The following KIFC1 variants were observed in gnomAD, a reference collection of about 807,000 sequenced individuals.
The protein encoded by KIFC1 is kinesin-like protein KIFC1.
A neutral mutation model predicts 66.6 loss-of-function variants in KIFC1; 37 were observed. The ratio of observed to expected loss-of-function variants is 0.56; its 90% CI spans 0.43 to 0.73. The LOEUF is 0.73. Among genes scored for constraint, KIFC1 ranks in the 30% least tolerant of loss-of-function variants. KIFC1 has a pLI of 0.00. For synonymous variants in KIFC1, 325 were observed against 343.5 expected (o/e 0.95, Z 0.60); for missense variants, 721 against 859.8 (o/e 0.84, Z 2.02).
At chr6:33,396,477 G>A (rs1320254407) in intron 1 of KIFC1, among the ~76,000 whole-genome samples, 1 of 118,428 alleles carries the variant, frequency 8.4e-6, no homozygotes, top group African/African-American at 3.5e-5. Context: ...TCAATATGTC[G>A]CCCAGGCTGG....
chr6:33,403,497 A>C lies in KIFC1; in HGVS notation c.317A>C (p.Gln106Pro). 6.2e-7 allele frequency: 1 copy of C among 1,614,236 alleles called. No individual in the cohort carries two copies. Among genetic ancestry groups the C allele is most frequent in the Non-Finnish European group, 8.5e-7 (1 of 1,180,020 alleles). Residue 106 changes from glutamine to proline, a missense_variant, in exon 5 of 11, where the codon CAG (glutamine) becomes CCG (proline). By Grantham distance (76) the Gln-to-Pro change is moderately conservative. Coordinates refer to ENST00000428849, the MANE Select transcript of KIFC1 (RefSeq NM_002263.4). This position sits in a 1 kb window ranked among gnomAD's most constrained non-coding sequence, Gnocchi z 4.6. ...CTCAATTCTGTAGGGTTGAAGAACCAGAAGCCAGTTCCTGCTGTTCCTGTC... is the reference window on the plus strand; with the variant it reads ...CTCAATTCTGTAGGGTTGAAGAACCCGAAGCCAGTTCCTGCTGTTCCTGTC... ...STAIATGLKN[Q>P]KPVPAVPVQK... is the part of the protein sequence containing the mutation.
rs371560314 is a variant in KIFC1 at position 33,406,790 on chromosome 6, C to G, written c.1902-10C>G. 4 of 1,614,126 alleles carry G rather than the reference C, an allele frequency of 2.5e-6. No homozygotes were observed. The highest frequency in any genetic ancestry group is 3.4e-6 in the Non-Finnish European group (4 of 1,180,016). ...CTAATGCTGGGGTTGGGCACATTGT[C>G]TTTTCATAGGCTCATGTTTGTGAAC... On this transcript the variant is annotated splice_polypyrimidine_tract_variant and intron_variant, in intron 9 of 10. Coordinates refer to ENST00000428849, the MANE Select transcript of KIFC1 (RefSeq NM_002263.4). This position sits in a 1 kb window ranked among gnomAD's most constrained non-coding sequence, Gnocchi z 4.5.
chr6:33,392,108 G>C, intron 1 of KIFC1, 111 bp downstream of exon 1: 1 of 1,242,596 alleles, frequency 8.0e-7, no homozygotes, highest in South Asian at 1.3e-5. Flanking sequence ...TCTACCGGGA[G>C]AGCGAAGGTC....
At position 33,400,548 on chromosome 6, in the gene KIFC1, C is replaced by G. The variant is rs771759288; in HGVS notation, c.250+2161C>G. On this transcript the variant is annotated intron_variant, in intron 3 of 10. Coordinates refer to ENST00000428849, the MANE Select transcript of KIFC1 (RefSeq NM_002263.4). This position sits in a 1 kb window ranked among gnomAD's most constrained non-coding sequence, Gnocchi z 4.3. ...CCTTGATCTCGTTGGGGTCGAACTT[C>G]GGTGGCATGGTGGAGGCAGCTGGTG... is the stretch of plus-strand genomic sequence containing the variant. 33 of 1,467,128 alleles carry G rather than the reference C, an allele frequency of 2.2e-5. No individual in the cohort carries two copies. Among genetic ancestry groups the G allele is most frequent in the Non-Finnish European group, 3.0e-5 (32 of 1,057,332 alleles). 90.9% of individuals were successfully genotyped at this position (1,467,128 alleles called of 1,614,324 possible).
rs1471943505 is a variant in KIFC1, at chr6:33,403,857, C to A, written c.484C>A (p.Gln162Lys). The A allele has an allele frequency of 6.2e-7, 1 of 1,614,070 alleles. No homozygotes were observed. Among genetic ancestry groups the A allele is most frequent in the South Asian group, 1.1e-5 (1 of 91,092 alleles). The change falls in exon 6 of 11, where the codon CAA becomes AAA. Residue 162 changes from glutamine to lysine, a missense_variant. Gln to Lys is a moderately conservative substitution (Grantham distance 53, BLOSUM62 1). Coordinates refer to ENST00000428849, the MANE Select transcript of KIFC1 (RefSeq NM_002263.4). The surrounding 1 kb of genome is among the most constrained non-coding windows in gnomAD (Gnocchi z 4.6). ...CCGTGAGAGGACTCAAACGTTGGAC[C>A]AAGAGAACCAGCAGCTTCAGGACCA... Reference protein sequence around the residue: ...RCRERTQTLDQENQQLQDQLR... With the variant: ...RCRERTQTLDKENQQLQDQLR...
Position 33,405,439 on chromosome 6 carries a change from G to A in KIFC1, c.1344G>A (p.Leu448=). 1 of 1,605,020 alleles carries A rather than the reference G, an allele frequency of 6.2e-7. No homozygotes were observed. Among genetic ancestry groups the A allele is most frequent in the Non-Finnish European group, 8.5e-7 (1 of 1,174,180 alleles). ...LRHLFSVAQE[L]SGQGWTYSFV... is the part of the protein sequence containing the mutation. ...ACCTCTTCTCTGTGGCTCAGGAGCT[G>A]AGTGGTCAGGGCTGGACCTACAGCT... Residue 448 remains leucine, a synonymous_variant, in exon 7 of 11, where the codon CTG becomes CTA. Coordinates refer to ENST00000428849, the MANE Select transcript of KIFC1 (RefSeq NM_002263.4). The surrounding 1 kb of genome is among the most constrained non-coding windows in gnomAD (Gnocchi z 5.4).
At position 33,406,677 on chromosome 6, in the gene KIFC1, G is replaced by A; in HGVS notation, c.1901+12G>A. ...GGTAGTGCTAAGATGTGAGTGAAAGGGACAGATGGAAGGGGTCAGGTAGGA... is the reference window on the plus strand; with the variant it reads ...GGTAGTGCTAAGATGTGAGTGAAAGAGACAGATGGAAGGGGTCAGGTAGGA... On this transcript the variant is annotated intron_variant, in intron 9 of 10. Transcript: ENST00000428849. This position sits in a 1 kb window ranked among gnomAD's most constrained non-coding sequence, Gnocchi z 4.5. 6.2e-7 allele frequency: 1 copy of A among 1,614,066 alleles called. No individual in the cohort carries two copies. Among genetic ancestry groups the A allele is most frequent in the Non-Finnish European group, 8.5e-7 (1 of 1,179,924 alleles).
At chr6:33,391,732 G>A (rs1445949103), upstream of KIFC1, 4 of 604,680 alleles carry the variant, frequency 6.6e-6, no homozygotes, top group Non-Finnish European at 1.2e-5. Context: ...GGCTTCGGGT[G>A]GCGGAGAACG....
chr6:33,407,996 G>T (rs1315801844), intron 10 of KIFC1, among the ~76,000 whole-genome samples: 1 of 152,232 alleles, frequency 6.6e-6, no homozygotes, highest in Admixed American at 6.5e-5. Context: ...CCTGCACCCT[G>T]ATCTGGTATT....
In KIFC1 at chr6:33,404,295, C is replaced by T. The variant is rs1180919984; in HGVS notation, c.756+166C>T. On this transcript the variant is annotated intron_variant, in intron 6 of 10. Coordinates refer to ENST00000428849, the MANE Select transcript of KIFC1 (RefSeq NM_002263.4). The surrounding 1 kb of genome is among the most constrained non-coding windows in gnomAD (Gnocchi z 4.0). ...CCTCTCTCTTGACCTGTCTGCACCC[C>T]AGCCCACTCCTGACTGTCTTGCTTT... is the stretch of plus-strand genomic sequence containing the variant. Among the ~76,000 whole-genome samples, 1 of 152,158 alleles carries T rather than the reference C, an allele frequency of 6.6e-6. No homozygotes were observed. Among genetic ancestry groups the T allele is most frequent in the Non-Finnish European group, 1.5e-5 (1 of 68,028 alleles).
At position 33,400,178 on chromosome 6, in the gene KIFC1, C is replaced by T. The variant is rs535422552; in HGVS notation, c.250+1791C>T. The T allele has an allele frequency of 4.4e-5, 66 of 1,507,944 alleles. No homozygotes were observed. In the East Asian group the frequency reaches 1.2e-3, roughly 26 times the overall value. The allele number at this position is 1,507,944 out of a possible 1,614,324, so 93.4% of individuals were successfully genotyped here. A position where few individuals can be genotyped will look rare whatever the true frequency, so the allele number is the denominator to read the frequency against. On this transcript the variant is annotated intron_variant, in intron 3 of 10. Transcript: ENST00000428849. This position sits in a 1 kb window ranked among gnomAD's most constrained non-coding sequence, Gnocchi z 4.3. ...GTCCCCGGAATCTCTTTAATGGTTC[C>T]AGAGAGTTCTCTGGCTAAGGATCGG... is the stretch of plus-strand genomic sequence containing the variant.
intron 3 of KIFC1, among the ~76,000 whole-genome samples, chr6:33,399,468 G>GC (rs1199290418): frequency 6.6e-6 from 1 of 152,152 alleles, no homozygotes; most frequent in Non-Finnish European, 1.5e-5. Flanking sequence ...ACTTGGCAAT[G>GC]CAGATACATT....
At position 33,406,302 on chromosome 6, in the gene KIFC1, G is replaced by C; in HGVS notation, c.1643G>C (p.Gly548Ala). The C allele has an allele frequency of 6.2e-7, 1 of 1,614,242 alleles. No individual in the cohort carries two copies. Among genetic ancestry groups the C allele is most frequent in the Non-Finnish European group, 8.5e-7 (1 of 1,180,050 alleles). Reference sequence around the variant, plus strand: ...AGTGTATTCCAGCTACAGATTTCTGGGGAGCACTCCAGCCGAGGCCTGCAG... The same window carrying C: ...AGTGTATTCCAGCTACAGATTTCTGCGGAGCACTCCAGCCGAGGCCTGCAG... The part of the protein sequence containing the change: ...SHSVFQLQIS[G>A]EHSSRGLQCG... The change falls in exon 8 of 11, where the codon GGG (glycine) becomes GCG (alanine). Residue 548 changes from glycine to alanine, a missense_variant. By Grantham distance (60) the Gly-to-Ala change is moderately conservative (BLOSUM62 0). Coordinates refer to ENST00000428849, the MANE Select transcript of KIFC1 (RefSeq NM_002263.4). This position sits in a 1 kb window ranked among gnomAD's most constrained non-coding sequence, Gnocchi z 4.5.
chr6:33,403,215 A>T lies in KIFC1; in HGVS notation c.251-99A>T, dbSNP rs895294879. 8 of 1,110,334 alleles carry T rather than the reference A, an allele frequency of 7.2e-6. No homozygotes were observed. Among genetic ancestry groups the T allele is most frequent in the Non-Finnish European group, 9.6e-6 (7 of 730,332 alleles). 68.8% of individuals were successfully genotyped at this position (1,110,334 alleles called of 1,614,324 possible). A position where few individuals can be genotyped will look rare whatever the true frequency, so the allele number is the denominator to read the frequency against. On this transcript the variant is annotated intron_variant, in intron 3 of 10. Transcript: ENST00000428849. This position sits in a 1 kb window ranked among gnomAD's most constrained non-coding sequence, Gnocchi z 4.6. ...AGGGAAGGAAGTTATCCTATTTCTA[A>T]TTCTGAGAAAAGCACTTCTTCTGCC... is the stretch of plus-strand genomic sequence containing the variant.
In KIFC1 at chr6:33,403,902, C is replaced by G. The variant is rs368918163; in HGVS notation, c.529C>G (p.Gln177Glu). Residue 177 changes from glutamine to glutamate, a missense_variant, in exon 6 of 11, where the codon CAG becomes GAG. Physicochemically the swap from Gln to Glu is conservative, Grantham distance 29. Transcript: ENST00000428849. The surrounding 1 kb of genome is among the most constrained non-coding windows in gnomAD (Gnocchi z 4.6). ...GGACCAGCTCAGAGATGCCCAGCAG[C>G]AGGTCAAGGCCCTGGGGACAGAGCG... Reference protein sequence around the residue: ...LQDQLRDAQQQVKALGTERTT... With the variant: ...LQDQLRDAQQEVKALGTERTT... 6.2e-7 allele frequency: 1 copy of G among 1,614,230 alleles called. No homozygotes were observed. Among genetic ancestry groups the G allele is most frequent in the Non-Finnish European group, 8.5e-7 (1 of 1,180,044 alleles).
In KIFC1 at chr6:33,406,678, G is replaced by A. The variant is rs1775676192; in HGVS notation, c.1901+13G>A. The A allele has an allele frequency of 3.7e-6, 6 of 1,613,954 alleles. No individual in the cohort carries two copies. The highest frequency in any genetic ancestry group is 1.7e-5 in the Admixed American group (1 of 59,998). ...GTAGTGCTAAGATGTGAGTGAAAGG[G>A]ACAGATGGAAGGGGTCAGGTAGGAA... On this transcript the variant is annotated intron_variant, in intron 9 of 10. Transcript: ENST00000428849. This position sits in a 1 kb window ranked among gnomAD's most constrained non-coding sequence, Gnocchi z 4.5.
At chr6:33,398,230 G>C in intron 2 of KIFC1, 58 bp from the exon 3 acceptor site, 2 of 1,613,618 alleles carry the variant, frequency 1.2e-6, no homozygotes, top group South Asian at 1.1e-5. Flanking sequence ...AGAAAGGAGA[G>C]AGAGAGTATA....
chr6:33,409,745 G>GTCCCTATGTC lies in KIFC1; in HGVS notation c.*56_*57insCCCTATGTCT. 8.3e-7 allele frequency: 1 copy of GTCCCTATGTC among 1,203,926 alleles called. No individual in the cohort carries two copies. The highest frequency in any genetic ancestry group is 1.2e-6 in the Non-Finnish European group (1 of 845,416). 74.6% of individuals were successfully genotyped at this position (1,203,926 alleles called of 1,614,324 possible). Reference sequence around the variant, plus strand: ...TGTGTGTGTGTGTGTGTGTGTGTGTGTGTGTGTGTCCCTATGTCTATGTAT... The same window carrying GTCCCTATGTC: ...TGTGTGTGTGTGTGTGTGTGTGTGTGTCCCTATGTCTGTGTGTGTCCCTATGTCTATGTAT... On this transcript the variant is annotated 3_prime_UTR_variant, in exon 11 of 11. Transcript: ENST00000428849.
Position 33,406,504 on chromosome 6 carries a change from G to T in KIFC1, c.1827+18G>T. ...GCAACAAGGTGGGAATGGGAGTGGG[G>T]TGAGATACGGGACCTGGGGGACAGT... On this transcript the variant is annotated intron_variant, in intron 8 of 10. Coordinates refer to ENST00000428849, the MANE Select transcript of KIFC1 (RefSeq NM_002263.4). The surrounding 1 kb of genome is among the most constrained non-coding windows in gnomAD (Gnocchi z 4.5). 1 of 1,605,170 alleles carries T rather than the reference G, an allele frequency of 6.2e-7. No individual in the cohort carries two copies. Among genetic ancestry groups the T allele is most frequent in the Non-Finnish European group, 8.5e-7 (1 of 1,174,518 alleles).
Sources: gnomAD v4.1 joint callset for allele counts (sites outside exome capture counted in the v4.1 genomes callset) on GRCh38, gnomAD v4.1.1 for gene constraint, Gnocchi (gnomAD v3.1) non-coding constraint, MANE v1.5 for transcripts, NCBI Gene and HGNC (gene_info 2026-07-23, HGNC 2026-07-21) for gene names.